The following SETBP1 variants were observed in gnomAD, a reference collection of about 807,000 sequenced individuals.
The protein encoded by SETBP1 is SET binding protein 1, also known as SET-binding protein.
In SETBP1, 9 loss-of-function variants were observed where a neutral mutation model predicts 101.0. That is an observed-to-expected ratio of 0.09 (90% CI 0.05 to 0.16). The LOEUF is 0.16. SETBP1 is among the 10% of genes least tolerant of loss of function. The pLI, the probability that SETBP1 is intolerant of heterozygous loss-of-function variation, is 1.00. For missense variants in SETBP1, 1,858 were observed against 2,033.8 expected, an observed-to-expected ratio of 0.91 and a Z score of 1.66; for synonymous variants, 818 against 788.5, an observed-to-expected ratio of 1.04 and a Z score of -0.63.
intron 1 of SETBP1, among the ~76,000 whole-genome samples, chr18:44,693,596 C>A (rs72905594): frequency 6.6e-6 from 1 of 152,006 alleles, no homozygotes; most frequent in Non-Finnish European, 1.5e-5. Context: ...CACCAAAATA[C>A]CTTAGAAGAC....
At chr18:44,696,963 C>G (rs1315350312) in intron 1 of SETBP1, among the ~76,000 whole-genome samples, 1 of 152,190 alleles carries the variant, frequency 6.6e-6, no homozygotes, top group African/African-American at 2.4e-5. Context: ...CTTTCCAATC[C>G]TCCTCCACTC....
intron 2 of SETBP1, among the ~76,000 whole-genome samples, chr18:44,785,988 T>G (rs2071231598): frequency 6.6e-6 from 1 of 152,200 alleles, no homozygotes; most frequent in Admixed American, 6.5e-5. Context: ...TTCCTGCTGT[T>G]CCCCTCTGTT....
intron 2 of SETBP1, among the ~76,000 whole-genome samples, chr18:44,720,370 G>T (rs1004791840): frequency 5.3e-5 from 8 of 152,034 alleles, no homozygotes; most frequent in African/African-American, 1.9e-4. Flanking sequence ...AAATTTTATC[G>T]AATCAACAGT....
chr18:44,973,288 A>T (rs974467749), intron 4 of SETBP1, among the ~76,000 whole-genome samples: 4 of 152,192 alleles, frequency 2.6e-5, no homozygotes, highest in African/African-American at 7.2e-5. Context: ...CCAATATTTT[A>T]TTGAGGATTT....
At chr18:44,967,203 A>G (rs1003651106) in intron 4 of SETBP1, among the ~76,000 whole-genome samples, 3 of 152,218 alleles carry the variant, frequency 2.0e-5, no homozygotes, top group African/African-American at 7.2e-5. Flanking sequence ...GTTATGGTGG[A>G]TAAGTAACAA....
intron 4 of SETBP1, among the ~76,000 whole-genome samples, chr18:44,990,243 G>A (rs2145279705): frequency 6.6e-6 from 1 of 152,238 alleles, no homozygotes; most frequent in Admixed American, 6.5e-5. Flanking sequence ...TTGGAGATGT[G>A]AGAAGGTATA....
chr18:44,818,357 A>G (rs1205379683), intron 2 of SETBP1, among the ~76,000 whole-genome samples: 1 of 152,210 alleles, frequency 6.6e-6, no homozygotes, highest in East Asian at 1.9e-4. Flanking sequence ...CTTGTTTTGC[A>G]GATGAGGAAG....
intron 3 of SETBP1, among the ~76,000 whole-genome samples, chr18:44,931,762 C>T (rs2070840098): frequency 2.0e-5 from 3 of 152,038 alleles, no homozygotes; most frequent in Non-Finnish European, 4.4e-5. Context: ...GGATTGCAAC[C>T]CCTGCTTTTT....
intron 3 of SETBP1, among the ~76,000 whole-genome samples, chr18:44,932,064 G>T (rs1364247371): frequency 6.6e-6 from 1 of 152,162 alleles, no homozygotes; most frequent in Admixed American, 6.5e-5. Flanking sequence ...GCATGTTTTT[G>T]CAGTGGCTGG....
At chr18:44,968,469 C>G (rs923551346) in intron 4 of SETBP1, among the ~76,000 whole-genome samples, 2 of 152,136 alleles carry the variant, frequency 1.3e-5, no homozygotes, top group Admixed American at 6.6e-5. Flanking sequence ...TCTATGTGGA[C>G]GACCTGGGGG....
At chr18:45,035,183 G>C (rs1041258156) in intron 4 of SETBP1, among the ~76,000 whole-genome samples, 21 of 152,246 alleles carry the variant, frequency 1.4e-4, no homozygotes, top group African/African-American at 4.8e-4. Flanking sequence ...TCATAGATTA[G>C]CATTTGTTTA....
chr18:45,041,818 G>A (rs2073513618), intron 5 of SETBP1, among the ~76,000 whole-genome samples: 1 of 151,950 alleles, frequency 6.6e-6, no homozygotes, highest in Non-Finnish European at 1.5e-5. Context: ...TTAACCAGGT[G>A]TGGTGGCATG....
chr18:44,936,779 G>A (rs1252697725), intron 3 of SETBP1, among the ~76,000 whole-genome samples: 1 of 152,186 alleles, frequency 6.6e-6, no homozygotes, highest in African/African-American at 2.4e-5. Context: ...TATCTAAGAG[G>A]TAGAACAAGG....
intron 4 of SETBP1, among the ~76,000 whole-genome samples, chr18:45,017,639 AAC>A (rs1450273710): frequency 6.6e-6 from 1 of 152,234 alleles, no homozygotes; most frequent in Non-Finnish European, 1.5e-5. Flanking sequence ...GTTACTAATG[AAC>A]ACTGCCACCT....
At chr18:44,893,803 G>T (rs892901239) in intron 3 of SETBP1, among the ~76,000 whole-genome samples, 2 of 152,054 alleles carry the variant, frequency 1.3e-5, no homozygotes, top group African/African-American at 2.4e-5. Context: ...ATTTTAACAT[G>T]TGTAAAATGC....
intron 2 of SETBP1, among the ~76,000 whole-genome samples, chr18:44,834,683 G>C (rs1415136192): frequency 6.6e-6 from 1 of 152,234 alleles, no homozygotes; most frequent in Non-Finnish European, 1.5e-5. Flanking sequence ...AATGTCAGGA[G>C]ATGTGGCAAG....
intron 5 of SETBP1, among the ~76,000 whole-genome samples, chr18:45,061,704 G>A (rs2073892905): frequency 6.6e-6 from 1 of 152,180 alleles, no homozygotes; most frequent in Non-Finnish European, 1.5e-5. Flanking sequence ...TCAAGTGGGA[G>A]TACCCACAAT....
chr18:44,727,690 A>G (rs1400746874), intron 2 of SETBP1, among the ~76,000 whole-genome samples: 1 of 152,208 alleles, frequency 6.6e-6, no homozygotes, highest in Non-Finnish European at 1.5e-5. Context: ...AGATTCTCGA[A>G]GGTGAAAGAG....
intron 1 of SETBP1, among the ~76,000 whole-genome samples, chr18:44,699,257 G>A (rs887521883): frequency 6.6e-5 from 10 of 152,148 alleles, no homozygotes; most frequent in African/African-American, 2.4e-4. Flanking sequence ...ACTGCCATAA[G>A]AAAACATGGC....
Sources: gnomAD v4.1 joint callset for allele counts (sites outside exome capture counted in the v4.1 genomes callset) on GRCh38, gnomAD v4.1.1 for gene constraint, MANE v1.5 for transcripts, NCBI Gene and HGNC (gene_info 2026-07-23, HGNC 2026-07-21) for gene names.